BCOR: variants seen among roughly 807,000 people sequenced by gnomAD.
The protein encoded by BCOR is BCL-6 corepressor.
Under a neutral mutation model 86.7 loss-of-function variants are expected in BCOR, and 10 were observed. The observed-to-expected ratio is 0.12, with a 90% CI of 0.07 to 0.20. BCOR has a LOEUF of 0.20. BCOR is among the 10% of genes least tolerant of loss of function. The pLI is 1.00. For synonymous variants in BCOR, 611 were observed against 609.0 expected, an observed-to-expected ratio of 1.00 and a Z score of -0.05; for missense variants, 1,259 against 1,452.1, an observed-to-expected ratio of 0.87 and a Z score of 2.16.
chrX:40,140,302 A>C (rs1393363916), intron 1 of BCOR, among the ~76,000 whole-genome samples: 1 of 108,583 alleles, frequency 9.2e-6, no homozygotes, highest in African/African-American at 3.4e-5. Context: ...TACAAAAAAA[A>C]AAAAAAGAAA....
chrX:40,148,329 C>T (rs1009119374), intron 1 of BCOR, among the ~76,000 whole-genome samples: 1 of 111,873 alleles, frequency 8.9e-6, no homozygotes, highest in African/African-American at 3.2e-5. Context: ...CTCCGCAACC[C>T]AGGGCCGCAG....
intron 1 of BCOR, among the ~76,000 whole-genome samples, chrX:40,088,329 C>G (rs186236662): frequency 8.9e-6 from 1 of 112,743 alleles, no homozygotes; most frequent in Non-Finnish European, 1.9e-5. Flanking sequence ...CGGGGGGAAA[C>G]TGCTGGCCTG....
chrX:40,157,013 G>T (rs1019928300), intron 1 of BCOR, among the ~76,000 whole-genome samples: 1 of 113,704 alleles, frequency 8.8e-6, no homozygotes, highest in African/African-American at 3.2e-5. Context: ...AGAGGAATTC[G>T]GTGTGCAAAA....
chrX:40,132,974 C>T (rs1410657801), intron 1 of BCOR, among the ~76,000 whole-genome samples: 1 of 111,820 alleles, frequency 8.9e-6, no homozygotes, highest in Non-Finnish European at 1.9e-5. Context: ...CCCCAGGTGA[C>T]CCTGAAGCAG....
chrX:40,120,446 C>A (rs187840347), intron 1 of BCOR, among the ~76,000 whole-genome samples: 1 of 112,045 alleles, frequency 8.9e-6, no homozygotes, highest in Non-Finnish European at 1.9e-5. Flanking sequence ...CCAAACCGAC[C>A]CTTCACCAAA....
intron 1 of BCOR, among the ~76,000 whole-genome samples, chrX:40,082,139 C>T (rs1936133955): frequency 8.9e-6 from 1 of 111,970 alleles, no homozygotes; most frequent in Non-Finnish European, 1.9e-5. Context: ...ATCACTCCAA[C>T]CTTGGCATCC....
chrX:40,052,392 T>C lies in BCOR; in HGVS notation c.4985A>G (p.Asn1662Ser). Residue 1662 changes from asparagine (N) to serine (S), a missense_variant, in exon 15 of 15, where the codon AAC (asparagine) becomes AGC (serine). Asn to Ser is a conservative substitution (Grantham distance 46, BLOSUM62 1). Around this residue, in one of 7 missense-constraint regions of BCOR, gnomAD observed 137 missense variants for 149.8 expected, o/e 0.91. Transcript: ENST00000378444. ...AAGGACATCCGAAAGCAGTAGCCAG[T>C]TTCGTGGCCTACAAAACAGAAAGGA... Reference protein sequence around the residue: ...IQVSVAQGPRNWLLLSDVLKK... With the variant: ...IQVSVAQGPRSWLLLSDVLKK... The C allele has an allele frequency of 8.3e-7, 1 of 1,208,999 alleles. No individual in the cohort carries two copies. Among genetic ancestry groups the C allele is most frequent in the Non-Finnish European group, 1.1e-6 (1 of 893,590 alleles).
chrX:40,154,404 C>A (rs1183587932), intron 1 of BCOR, among the ~76,000 whole-genome samples: 1 of 112,584 alleles, frequency 8.9e-6, no homozygotes, highest in Non-Finnish European at 1.9e-5. Context: ...CTCGCCCAGG[C>A]TCCGCTCGCC....
chrX:40,075,308 TCC>T, intron 3 of BCOR, 128 bp from the exon 4 acceptor site: 15 of 176,565 alleles, frequency 8.5e-5, no homozygotes, highest in East Asian at 2.6e-4. Context: ...AAGACAGGCT[TCC>T]GGCGGGGCGG....
At chrX:40,171,554 C>T (rs1395433418) in intron 1 of BCOR, among the ~76,000 whole-genome samples, 2 of 112,086 alleles carry the variant, frequency 1.8e-5, no homozygotes, top group Non-Finnish European at 3.8e-5. Flanking sequence ...GTGCCCCCTC[C>T]CCATTAAACT....
intron 6 of BCOR, 26 bp downstream of exon 6, chrX:40,070,947 C>A (rs370021857): frequency 3.3e-6 from 4 of 1,204,483 alleles, no homozygotes; most frequent in Admixed American, 4.3e-5. Flanking sequence ...GAGGCCAACA[C>A]AAGCAAACTG....
At chrX:40,091,853 G>A (rs1447046608) in intron 1 of BCOR, among the ~76,000 whole-genome samples, 1 of 113,159 alleles carries the variant, frequency 8.8e-6, no homozygotes, top group Non-Finnish European at 1.9e-5. Flanking sequence ...AAGAAGCCGG[G>A]GCGGGTCAGG....
At chrX:40,117,210 A>C (rs1937409685) in intron 1 of BCOR, among the ~76,000 whole-genome samples, 1 of 111,589 alleles carries the variant, frequency 9.0e-6, no homozygotes, top group Admixed American at 9.5e-5. Flanking sequence ...TCTCCTCAGA[A>C]GAGAGTAAAT....
intron 10 of BCOR, among the ~76,000 whole-genome samples, chrX:40,060,994 C>T (rs1023126495): frequency 1.8e-5 from 2 of 112,311 alleles, no homozygotes; most frequent in Non-Finnish European, 3.8e-5. Flanking sequence ...AGGCTCAAGG[C>T]ACAGCAGACT....
At chrX:40,095,745 C>T (rs1936830341) in intron 1 of BCOR, among the ~76,000 whole-genome samples, 1 of 98,589 alleles carries the variant, frequency 1.0e-5, no homozygotes, top group South Asian at 5.6e-4. Flanking sequence ...ATTCCCCCCA[C>T]CCCCACCCTC....
At chrX:40,171,985 G>A (rs1379798820) in intron 1 of BCOR, among the ~76,000 whole-genome samples, 1 of 112,788 alleles carries the variant, frequency 8.9e-6, no homozygotes, top group South Asian at 3.6e-4. Context: ...GGGCCGCCCA[G>A]CCCCCAGGCC....
chrX:40,093,191 T>C (rs1386680384), intron 1 of BCOR, among the ~76,000 whole-genome samples: 1 of 112,492 alleles, frequency 8.9e-6, no homozygotes, highest in Non-Finnish European at 1.9e-5. Context: ...ATCTCTTATG[T>C]ATCTCTTGTT....
At chrX:40,075,318 C>CGGGGTTGGGGGGGGGG in intron 3 of BCOR, 138 bp from the exon 4 acceptor site, 1 of 91,289 alleles carries the variant, frequency 1.1e-5, no homozygotes. Flanking sequence ...TCCGGCGGGG[C>CGGGGTTGGGGGGGGGG]GGGGGTGGGG....
intron 1 of BCOR, among the ~76,000 whole-genome samples, chrX:40,080,815 C>CGTGT (rs533981374): frequency 0.031 from 2,052 of 65,918 alleles, 48 homozygotes; most frequent in Non-Finnish European, 0.049. Flanking sequence ...GGTTCACTGT[C>CGTGT]GTGTGTGTGT....
Sources: allele counts gnomAD v4.1 joint callset (sites outside exome capture counted in the v4.1 genomes callset), GRCh38; gene constraint gnomAD v4.1.1; regional missense constraint gnomAD v4.1.1; transcripts MANE v1.5; gene names NCBI Gene and HGNC (gene_info 2026-07-23, HGNC 2026-07-21).